LZTS3: variants seen among roughly 807,000 people sequenced by gnomAD.
LZTS3 encodes leucine zipper tumor suppressor family member 3.
A neutral mutation model predicts 50.9 loss-of-function variants in LZTS3; 16 were observed. The observed-to-expected ratio is 0.31, with a 90% CI of 0.21 to 0.48. The LOEUF (loss-of-function observed/expected upper bound fraction) is 0.48, where lower values mean the gene tolerates loss of function less well. LZTS3 is among the 20% of genes least tolerant of loss of function. The pLI, the probability that LZTS3 is intolerant of heterozygous loss-of-function variation, is 0.99. For missense variants in LZTS3, 816 were observed against 931.0 expected (o/e 0.88, Z 1.61); for synonymous variants, 408 against 410.6 (o/e 0.99, Z 0.08).
chr20:3,165,985 C>T lies in LZTS3; in HGVS notation c.835G>A (p.Gly279Arg), dbSNP rs1364784097. 1.9e-6 allele frequency: 3 copies of T among 1,613,450 alleles called. No individual in the cohort carries two copies. Among genetic ancestry groups the T allele is most frequent in the Non-Finnish European group, 1.7e-6 (2 of 1,180,016 alleles). ...GYQDLGTSDS[G>R]RASSKSGSSS... ...GACCCACTCTTGCTGGAGGCCCGTC[C>T]ACTATCGGAGGTCCCCAGGTCCTGG... Residue 279 changes from glycine (G) to arginine (R), a missense_variant, in exon 4 of 5, where the codon GGA becomes AGA. Gly to Arg is a moderately radical substitution (Grantham distance 125). Transcript: ENST00000337576. The surrounding 1 kb of genome is among the most constrained non-coding windows in gnomAD (Gnocchi z 5.0).
rs535533699 is a variant in LZTS3, at chr20:3,166,545, C to T, written c.459+160G>A. Among the ~76,000 whole-genome samples the T allele has an allele frequency of 4.6e-5, 7 of 152,228 alleles. No homozygotes were observed. The South Asian group carries it at 1.0e-3, about 23-fold the overall frequency. ...ACCAGATCTCTGTCCTTGATCTACC[C>T]GCTAGACTTGGCCCCAGGTCCCCAG... On this transcript the variant is annotated intron_variant, in intron 3 of 4. Transcript: ENST00000337576.
Position 3,165,885 on chromosome 20 carries a change from C to T in LZTS3, c.935G>A (p.Cys312Tyr). ...GGGGGLPFAA[C>Y]SPPSPSALIQ... ...GAGTGCACTGGGGGAGGGCGGTGAG[C>T]AGGCCGCGAAAGGCAGGCCTCCACC... The change falls in exon 4 of 5, where the codon TGC becomes TAC. Residue 312 changes from cysteine to tyrosine, a missense_variant. Around this residue, in one of 3 missense-constraint regions of LZTS3, gnomAD observed 700 missense variants for 769.4 expected, o/e 0.91. Coordinates refer to ENST00000337576, the MANE Select transcript of LZTS3 (RefSeq NM_001365618.1). This position sits in a 1 kb window ranked among gnomAD's most constrained non-coding sequence, Gnocchi z 5.0. The T allele has an allele frequency of 6.2e-7, 1 of 1,607,296 alleles. No homozygotes were observed.
At position 3,173,535 on chromosome 20, in the gene LZTS3, G is replaced by A. The variant is rs1207400508; in HGVS notation, c.-323C>T. ...TGCTGGCGCAGCCCGAAGCACGCCC[G>A]GCGGGGCGCGCTGCGCGGGCCCGGC... is the stretch of plus-strand genomic sequence containing the variant. On this transcript the variant is annotated 5_prime_UTR_variant, in exon 1 of 5. Transcript: ENST00000337576. 1 of 151,114 alleles carries A rather than the reference G, an allele frequency of 6.6e-6. No homozygotes were observed. The highest frequency in any genetic ancestry group is 2.4e-5 in the African/African-American group (1 of 41,304). The allele number at this position is 151,114 out of a possible 1,614,324, so 9.4% of individuals were successfully genotyped here.
intron 2 of LZTS3, 118 bp from the exon 3 acceptor site, chr20:3,167,299 C>A: frequency 7.2e-7 from 1 of 1,387,248 alleles, no homozygotes; most frequent in Non-Finnish European, 9.3e-7. Flanking sequence ...ACAATGGGTA[C>A]AAAAAGTTCC....
Position 3,165,392 on chromosome 20 carries a change from TCCC to T in LZTS3, c.1323+102_1323+104del. The stretch of plus-strand genomic sequence containing the variant: ...ATTTTTGTCCCCCCTGCTCCTTTCA[TCCC>T]CCCCCCCATCCCACCGTTATGATAG... On this transcript the variant is annotated intron_variant, in intron 4 of 4. Transcript: ENST00000337576. This position sits in a 1 kb window ranked among gnomAD's most constrained non-coding sequence, Gnocchi z 5.0. 6 of 831,274 alleles carry T rather than the reference TCCC, an allele frequency of 7.2e-6. No individual in the cohort carries two copies. The highest frequency in any genetic ancestry group is 2.1e-5 in the South Asian group (1 of 46,748). The allele number at this position is 831,274 out of a possible 1,614,324, so 51.5% of individuals were successfully genotyped here.
chr20:3,168,334 C>T (rs1233441384), intron 1 of LZTS3: 1 of 149,442 alleles, frequency 6.7e-6, no homozygotes, highest in East Asian at 2.0e-4. Flanking sequence ...CCTGCGTTTC[C>T]CACAGGTGGG....
At chr20:3,169,066 C>T (rs917179823) in intron 1 of LZTS3, among the ~76,000 whole-genome samples, 3 of 141,032 alleles carry the variant, frequency 2.1e-5, no homozygotes, top group Non-Finnish European at 4.7e-5. Context: ...CTTCGCCACC[C>T]TCCTCCCTTG....
chr20:3,166,175 G>A lies in LZTS3; in HGVS notation c.645C>T (p.Gly215=), dbSNP rs1464447815. 4 of 1,613,744 alleles carry A rather than the reference G, an allele frequency of 2.5e-6. No individual in the cohort carries two copies. The highest frequency in any genetic ancestry group is 1.7e-5 in the Admixed American group (1 of 59,948). The change falls in exon 4 of 5, where the codon GGC becomes GGT. Residue 215 remains glycine (G), a synonymous_variant. Coordinates refer to ENST00000337576, the MANE Select transcript of LZTS3 (RefSeq NM_001365618.1). The part of the protein sequence containing the change: ...TMTPAGGSGS[G]LSDSGRNSLT... Reference sequence around the variant, plus strand: ...GGGAGTTCCGGCCTGAGTCTGAGAGGCCACTCCCACTCCCACCCGCTGGAG... The same window carrying A: ...GGGAGTTCCGGCCTGAGTCTGAGAGACCACTCCCACTCCCACCCGCTGGAG...
chr20:3,169,060 G>A (rs369104785), intron 1 of LZTS3, among the ~76,000 whole-genome samples: 83 of 145,454 alleles, frequency 5.7e-4, no homozygotes, highest in South Asian at 2.6e-3. Flanking sequence ...AGAGCACTTC[G>A]CCACCCTCCT....
chr20:3,173,031 A>G (rs986226330), intron 1 of LZTS3, among the ~76,000 whole-genome samples: 41 of 146,988 alleles, frequency 2.8e-4, no homozygotes, highest in Non-Finnish European at 5.0e-4. Flanking sequence ...ACACGCGCGC[A>G]CACACGAGCT....
intron 1 of LZTS3, among the ~76,000 whole-genome samples, chr20:3,169,186 C>T (rs2066872852): frequency 1.3e-5 from 2 of 152,180 alleles, no homozygotes; most frequent in Non-Finnish European, 2.9e-5. Flanking sequence ...AGGGTGACAG[C>T]CTCCTTCCCT....
At chr20:3,171,966 C>T (rs2066908025) in intron 1 of LZTS3, among the ~76,000 whole-genome samples, 1 of 152,124 alleles carries the variant, frequency 6.6e-6, no homozygotes, top group Non-Finnish European at 1.5e-5. Flanking sequence ...GTACCTCCAA[C>T]CCACCCCTCA....
intron 3 of LZTS3, 119 bp from the exon 4 acceptor site, chr20:3,166,479 TG>T: frequency 7.6e-7 from 1 of 1,313,846 alleles, no homozygotes; most frequent in Non-Finnish European, 1.0e-6. Flanking sequence ...ATTTCCACCC[TG>T]AGGTTCCCCA....
chr20:3,172,272 T>G (rs1484903014), intron 1 of LZTS3, among the ~76,000 whole-genome samples: 1 of 152,226 alleles, frequency 6.6e-6, no homozygotes, highest in African/African-American at 2.4e-5. Context: ...CTTGACTGAT[T>G]AGGGGTGCAA....
chr20:3,164,350 C>T lies in LZTS3; in HGVS notation c.*104G>A. 5.5e-6 allele frequency: 7 copies of T among 1,272,386 alleles called. No homozygotes were observed. In the South Asian group the frequency reaches 1.2e-4, roughly 21 times the overall value. 78.8% of individuals were successfully genotyped at this position (1,272,386 alleles called of 1,614,324 possible). On this transcript the variant is annotated 3_prime_UTR_variant, in exon 5 of 5. Coordinates refer to ENST00000337576, the MANE Select transcript of LZTS3 (RefSeq NM_001365618.1). ...CAGCTGCTTAGAGAACCTCTTTGGT[C>T]TGGGGTTATGGGGTCTATGGGGAAG...
rs1272375928 is a variant in LZTS3 at position 3,164,723 on chromosome 20, C to T, written c.1753G>A (p.Ala585Thr). The change falls in exon 5 of 5, where the codon GCG becomes ACG. Residue 585 changes from alanine to threonine, a missense_variant. Ala to Thr is a moderately conservative substitution (Grantham distance 58). This residue lies in a region of LZTS3 where 107 missense variants were observed against 130.4 expected (regional missense o/e 0.82). Coordinates refer to ENST00000337576, the MANE Select transcript of LZTS3 (RefSeq NM_001365618.1). ...REVGRLQAEL[A>T]AERRARERQG... ...CGCTCCCGGGCCCGCCGCTCAGCCG[C>T]CAGCTCGGCCTGCAGCCGCCCCACC... 5.8e-6 allele frequency: 9 copies of T among 1,559,062 alleles called. No individual in the cohort carries two copies. Among genetic ancestry groups the T allele is most frequent in the Non-Finnish European group, 7.8e-6 (9 of 1,154,450 alleles).
At position 3,166,722 on chromosome 20, in the gene LZTS3, A is replaced by T. The variant is rs143769310; in HGVS notation, c.442T>A (p.Ser148Thr). 3.0e-5 allele frequency: 49 copies of T among 1,613,434 alleles called. No homozygotes were observed. Among genetic ancestry groups the T allele is most frequent in the Non-Finnish European group, 4.1e-5 (48 of 1,179,722 alleles). Residue 148 changes from serine (S) to threonine (T), a missense_variant, in exon 3 of 5, where the codon TCT (serine) becomes ACT (threonine). By Grantham distance (58) the Ser-to-Thr change is moderately conservative. Around this residue, in one of 3 missense-constraint regions of LZTS3, gnomAD observed 700 missense variants for 769.4 expected, o/e 0.91. Coordinates refer to ENST00000337576, the MANE Select transcript of LZTS3 (RefSeq NM_001365618.1). ...PSHPPKLLATSGKLDQCSEPL... is the reference protein window; with the variant it reads ...PSHPPKLLATTGKLDQCSEPL... The stretch of plus-strand genomic sequence containing the variant: ...GGACTGACCTGGTCTAGCTTGCCAG[A>T]GGTGGCCAGGAGCTTGGGTGGGTGG...
In LZTS3 at chr20:3,166,002, A is replaced by G. The variant is rs776479449; in HGVS notation, c.818T>C (p.Leu273Pro). The G allele has an allele frequency of 1.6e-5, 26 of 1,613,288 alleles. No homozygotes were observed. The highest frequency in any genetic ancestry group is 1.1e-5 in the Non-Finnish European group (13 of 1,179,950). The change falls in exon 4 of 5, where the codon CTG (leucine) becomes CCG (proline). Residue 273 changes from leucine (L) to proline (P), a missense_variant. Leu to Pro is a moderately conservative substitution (Grantham distance 98). Transcript: ENST00000337576. ...GGCCCGTCCACTATCGGAGGTCCCC[A>G]GGTCCTGGTAGCCCGACCCCCCACC... The part of the protein sequence containing the change: ...SSGGGSGYQD[L>P]GTSDSGRASS...
At chr20:3,170,216 G>A (rs1388278337) in intron 1 of LZTS3, among the ~76,000 whole-genome samples, 3 of 152,128 alleles carry the variant, frequency 2.0e-5, no homozygotes, top group Non-Finnish European at 4.4e-5. Context: ...AGTGCCGGAT[G>A]CGGTGGCTCA....
Sources: allele counts gnomAD v4.1 joint callset (sites outside exome capture counted in the v4.1 genomes callset), GRCh38; gene constraint gnomAD v4.1.1; regional missense constraint gnomAD v4.1.1; non-coding constraint Gnocchi (gnomAD v3.1); transcripts MANE v1.5; gene names NCBI Gene and HGNC (gene_info 2026-07-23, HGNC 2026-07-21).